The following CNTN3 variants were observed in gnomAD, a reference collection of about 807,000 sequenced individuals.
The protein encoded by CNTN3 is contactin-3.
CNTN3 carries 60 observed loss-of-function variants against 119.1 expected under a neutral mutation model. The ratio of observed to expected loss-of-function variants is 0.50; its 90% CI spans 0.41 to 0.62. The LOEUF is 0.62. CNTN3 is among the 20% of genes least tolerant of loss of function. The probability of loss-of-function intolerance (pLI) is 0.00; values close to 1 mark genes in which losing one functional copy is unlikely to be tolerated. For missense variants in CNTN3, 1,101 were observed against 1,242.4 expected (o/e 0.89, Z 1.71); for synonymous variants, 450 against 438.7 (o/e 1.03, Z -0.32).
At chr3:74,416,815 C>T (rs1194945606) in intron 5 of CNTN3, among the ~76,000 whole-genome samples, 2 of 151,790 alleles carry the variant, frequency 1.3e-5, no homozygotes, top group African/African-American at 2.4e-5. Flanking sequence ...TGGCAAAACC[C>T]CATCTCTTTT....
chr3:74,601,886 G>C (rs1229873921), intron 1 of CNTN3, among the ~76,000 whole-genome samples: 1 of 152,054 alleles, frequency 6.6e-6, no homozygotes, highest in Non-Finnish European at 1.5e-5. Context: ...ATTTCCATCA[G>C]GGAGCTTCTC....
intron 20 of CNTN3, among the ~76,000 whole-genome samples, chr3:74,271,260 G>A (rs571964314): frequency 2.7e-5 from 4 of 147,666 alleles, no homozygotes; most frequent in Non-Finnish European, 5.9e-5. Context: ...GGGCAGTTAC[G>A]ATACAGTATA....
At chr3:74,512,100 A>T (rs1381588089) in intron 2 of CNTN3, among the ~76,000 whole-genome samples, 2 of 152,158 alleles carry the variant, frequency 1.3e-5, no homozygotes, top group Non-Finnish European at 2.9e-5. Flanking sequence ...GTATTTTTTC[A>T]TTGCAGCAGT....
At chr3:74,442,744 A>G (rs1701988044) in intron 4 of CNTN3, among the ~76,000 whole-genome samples, 1 of 152,196 alleles carries the variant, frequency 6.6e-6, no homozygotes, top group African/African-American at 2.4e-5. Flanking sequence ...GGATCTTACT[A>G]AGTGCTAAGT....
chr3:74,307,656 G>T (rs1303536255), intron 13 of CNTN3, among the ~76,000 whole-genome samples: 2 of 151,996 alleles, frequency 1.3e-5, no homozygotes, highest in African/African-American at 4.8e-5. Context: ...AAATAAACAA[G>T]CAGAAAGATC....
chr3:74,311,208 G>T (rs1202998456), intron 13 of CNTN3, among the ~76,000 whole-genome samples: 1 of 152,122 alleles, frequency 6.6e-6, no homozygotes, highest in Non-Finnish European at 1.5e-5. Context: ...CTCCCAAAGA[G>T]ATCACACTAT....
At chr3:74,400,342 T>G (rs1161450431) in intron 5 of CNTN3, among the ~76,000 whole-genome samples, 1 of 152,180 alleles carries the variant, frequency 6.6e-6, no homozygotes, top group African/African-American at 2.4e-5. Context: ...GAGCTGTTGT[T>G]AAATTGCTTT....
intron 4 of CNTN3, among the ~76,000 whole-genome samples, chr3:74,426,762 A>C (rs1389751514): frequency 6.6e-6 from 1 of 152,210 alleles, no homozygotes; most frequent in Non-Finnish European, 1.5e-5. Flanking sequence ...AGTCTCTTGG[A>C]ATGTAACTAA....
intron 1 of CNTN3, among the ~76,000 whole-genome samples, chr3:74,575,813 T>C (rs1704406271): frequency 6.6e-6 from 1 of 152,056 alleles, no homozygotes; most frequent in Non-Finnish European, 1.5e-5. Context: ...AGTGATTTAC[T>C]ATGAAGATAC....
chr3:74,595,221 A>C (rs1559672718), intron 1 of CNTN3, among the ~76,000 whole-genome samples: 1 of 151,480 alleles, frequency 6.6e-6, no homozygotes. Flanking sequence ...AGGTTGCAAA[A>C]ATTTTCTCCC....
In CNTN3 at chr3:74,488,335, G is replaced by A. The variant is rs192372006; in HGVS notation, c.183-1704C>T. Among the ~76,000 whole-genome samples the A allele has an allele frequency of 5.7e-4, 86 of 152,010 alleles. No individual in the cohort carries two copies. In the East Asian group the frequency reaches 0.013, roughly 23 times the overall value. On this transcript the variant is annotated intron_variant, in intron 3 of 22. Transcript: ENST00000263665. Reference sequence around the variant, plus strand: ...TCACCGTGTTAGCCAGGATGGTCTCGATCTCCTGACCTCGTGATCCGCCCA... The same window carrying A: ...TCACCGTGTTAGCCAGGATGGTCTCAATCTCCTGACCTCGTGATCCGCCCA...
intron 20 of CNTN3, among the ~76,000 whole-genome samples, chr3:74,269,063 A>C (rs1444222804): frequency 6.6e-6 from 1 of 151,512 alleles, no homozygotes; most frequent in Non-Finnish European, 1.5e-5. Flanking sequence ...AAAAAAAACA[A>C]AAAAAAAGGA....
intron 4 of CNTN3, among the ~76,000 whole-genome samples, chr3:74,457,985 C>A (rs1702300489): frequency 6.6e-6 from 1 of 152,028 alleles, no homozygotes; most frequent in Non-Finnish European, 1.5e-5. Context: ...TACAATTTAT[C>A]ATGTATACTA....
chr3:74,441,047 G>A (rs1330350313), intron 4 of CNTN3, among the ~76,000 whole-genome samples: 1 of 152,058 alleles, frequency 6.6e-6, no homozygotes, highest in African/African-American at 2.4e-5. Flanking sequence ...GAGACTTACT[G>A]TGTCATGTAT....
chr3:74,599,082 C>T (rs1704863196), intron 1 of CNTN3, among the ~76,000 whole-genome samples: 1 of 152,030 alleles, frequency 6.6e-6, no homozygotes, highest in African/African-American at 2.4e-5. Context: ...AATTAATCCA[C>T]ATTGAGTGAT....
rs77257593 is a variant in CNTN3, at chr3:74,341,331, C to T, written c.1365-4673G>A. On this transcript the variant is annotated intron_variant, in intron 11 of 22. Coordinates refer to ENST00000263665, the MANE Select transcript of CNTN3 (RefSeq NM_020872.3). ...AAATTTTATACCACTTCACTATAAACGAATTTGCTTTCTAAGCTTTCTGAG... is the reference window on the plus strand; with the variant it reads ...AAATTTTATACCACTTCACTATAAATGAATTTGCTTTCTAAGCTTTCTGAG... Among the ~76,000 whole-genome samples the T allele has an allele frequency of 2.6e-4, 40 of 152,210 alleles. No homozygotes were observed. In the East Asian group the frequency reaches 5.0e-3, roughly 19 times the overall value.
chr3:74,503,817 A>G (rs1703206142), intron 2 of CNTN3, among the ~76,000 whole-genome samples: 1 of 152,074 alleles, frequency 6.6e-6, no homozygotes, highest in South Asian at 2.1e-4. Flanking sequence ...CCAAAGCTCC[A>G]TTTTAAATGT....
chr3:74,387,899 G>A (rs900377690), intron 5 of CNTN3, among the ~76,000 whole-genome samples: 2 of 152,158 alleles, frequency 1.3e-5, no homozygotes, highest in Non-Finnish European at 2.9e-5. Flanking sequence ...GGTAGGAAAA[G>A]AAACTTAATT....
intron 1 of CNTN3, among the ~76,000 whole-genome samples, chr3:74,594,070 C>A (rs553752081): frequency 6.6e-6 from 1 of 151,824 alleles, no homozygotes; most frequent in Admixed American, 6.6e-5. Context: ...GCTACATACC[C>A]AGTAAGAGAT....
Sources: gnomAD v4.1 joint callset for allele counts (sites outside exome capture counted in the v4.1 genomes callset) on GRCh38, gnomAD v4.1.1 for gene constraint, MANE v1.5 for transcripts, NCBI Gene and HGNC (gene_info 2026-07-23, HGNC 2026-07-21) for gene names.